ATP6V0A1: variants seen among roughly 807,000 people sequenced by gnomAD.
ATP6V0A1 encodes the protein V-type proton ATPase 116 kDa subunit a 1.
A neutral mutation model predicts 105.4 loss-of-function variants in ATP6V0A1; 43 were observed. The ratio of observed to expected loss-of-function variants is 0.41; its 90% CI spans 0.32 to 0.53. The LOEUF (loss-of-function observed/expected upper bound fraction) is 0.53. Ranked by LOEUF, ATP6V0A1 falls within the 20% of genes least tolerant of loss-of-function variation. The pLI is 0.30. For missense variants in ATP6V0A1, 676 were observed against 1,051.1 expected (o/e 0.64, Z 4.93); for synonymous variants, 362 against 372.8 (o/e 0.97, Z 0.33).
At chr17:42,465,224 G>A (rs116572471) in intron 2 of ATP6V0A1, among the ~76,000 whole-genome samples, 2,962 of 150,966 alleles carry the variant, frequency 0.02, 91 homozygotes, top group African/African-American at 0.068. Context: ...AAACTCCTGA[G>A]CTCAGATAAT....
At chr17:42,480,240 T>C (rs1397723270) in intron 7 of ATP6V0A1, 3 of 152,510 alleles carry the variant, frequency 2.0e-5, no homozygotes, top group African/African-American at 7.2e-5. Flanking sequence ...ATCAGCATTC[T>C]TTCCAGGGAC....
chr17:42,463,456 C>G (rs772357910), intron 2 of ATP6V0A1, among the ~76,000 whole-genome samples: 1 of 152,190 alleles, frequency 6.6e-6, no homozygotes, highest in Non-Finnish European at 1.5e-5. Context: ...ACATTGCAAA[C>G]TCATGTCTGA....
chr17:42,495,143 T>G lies in ATP6V0A1; in HGVS notation c.1424T>G (p.Phe475Cys). 1 of 1,614,170 alleles carries G rather than the reference T, an allele frequency of 6.2e-7. No homozygotes were observed. The highest frequency in any genetic ancestry group is 8.5e-7 in the Non-Finnish European group (1 of 1,180,018). The change falls in exon 13 of 22, where the codon TTT becomes TGT. Residue 475 changes from phenylalanine to cysteine, a missense_variant. Phe to Cys is a radical substitution (Grantham distance 205). Around this residue, in one of 3 missense-constraint regions of ATP6V0A1, gnomAD observed 435 missense variants for 642.2 expected, o/e 0.68. Transcript: ENST00000343619. Reference sequence around the variant, plus strand: ...TGCTTTTCCAAGTCTCTTAATATCTTTGGGTCATCCTGGAGTGTACGGCCG... The same window carrying G: ...TGCTTTTCCAAGTCTCTTAATATCTGTGGGTCATCCTGGAGTGTACGGCCG... ...NDCFSKSLNIFGSSWSVRPMF... is the reference protein window; with the variant it reads ...NDCFSKSLNICGSSWSVRPMF...
At chr17:42,466,539 T>G (rs2087085399) in intron 3 of ATP6V0A1, 32 bp downstream of exon 3, 2 of 1,551,262 alleles carry the variant, frequency 1.3e-6, no homozygotes, top group South Asian at 2.2e-5. Context: ...GTAATGTTCC[T>G]TTAATGAATC....
At chr17:42,461,336 C>T (rs1483688832) in intron 2 of ATP6V0A1, among the ~76,000 whole-genome samples, 1 of 152,056 alleles carries the variant, frequency 6.6e-6, no homozygotes, top group African/African-American at 2.4e-5. Context: ...AAATATATTG[C>T]AGTTTTTCCA....
intron 5 of ATP6V0A1, among the ~76,000 whole-genome samples, chr17:42,472,723 CA>C (rs971394236): frequency 4.8e-4 from 70 of 146,500 alleles, no homozygotes; most frequent in African/African-American, 1.4e-3. Context: ...GACTCCATCT[CA>C]AAAAAAAAAA....
At chr17:42,515,468 CAA>C (rs34612473) in intron 21 of ATP6V0A1, among the ~76,000 whole-genome samples, 6,273 of 85,310 alleles carry the variant, frequency 0.074, 181 homozygotes, top group East Asian at 0.18. Context: ...GACTCTGTCT[CAA>C]AAAAAAAAAA....
intron 21 of ATP6V0A1, among the ~76,000 whole-genome samples, chr17:42,517,305 C>A (rs8070783): frequency 0.12 from 17,308 of 148,876 alleles, 1,210 homozygotes; most frequent in African/African-American, 0.21. Context: ...ACAACAACAA[C>A]AAAAAAACCT....
chr17:42,490,506 T>G lies in ATP6V0A1; in HGVS notation c.1043T>G (p.Val348Gly). 1 of 1,607,272 alleles carries G rather than the reference T, an allele frequency of 6.2e-7. No individual in the cohort carries two copies. Among genetic ancestry groups the G allele is most frequent in the Non-Finnish European group, 8.5e-7 (1 of 1,178,236 alleles). ...RRGTEHSGST[V>G]PSILNRMQTN... is the part of the protein sequence containing the mutation. ...TTTCAGGAACACAGTGGTTCCACTGTACCTTCCATTTTGAACAGGATGCAG... is the reference window on the plus strand; with the variant it reads ...TTTCAGGAACACAGTGGTTCCACTGGACCTTCCATTTTGAACAGGATGCAG... Residue 348 changes from valine (V) to glycine (G), a missense_variant, in exon 11 of 22, where the codon GTA (valine) becomes GGA (glycine). Physicochemically the swap from Val to Gly is moderately radical, Grantham distance 109 (BLOSUM62 -3). Around this residue, in one of 3 missense-constraint regions of ATP6V0A1, gnomAD observed 435 missense variants for 642.2 expected, o/e 0.68. Coordinates refer to ENST00000343619, the MANE Select transcript of ATP6V0A1 (RefSeq NM_001130021.3).
rs1180072191 is a variant in ATP6V0A1, at chr17:42,500,744, A to C, written c.1717A>C (p.Ile573Leu). The change falls in exon 16 of 22, where the codon ATT (isoleucine) becomes CTT (leucine). Residue 573 changes from isoleucine to leucine, a missense_variant. Around this residue, in one of 3 missense-constraint regions of ATP6V0A1, gnomAD observed 435 missense variants for 642.2 expected, o/e 0.68. Transcript: ENST00000343619. ...KKPLNIYFGF[I>L]PEIIFMTSLF... ...GCCCCTGAATATCTACTTTGGATTT[A>C]TTCCTGAAATAATCTTCATGACCTC... is the stretch of plus-strand genomic sequence containing the variant. 5.6e-6 allele frequency: 9 copies of C among 1,613,822 alleles called. No individual in the cohort carries two copies. The highest frequency in any genetic ancestry group is 7.6e-6 in the Non-Finnish European group (9 of 1,179,838).
At chr17:42,466,991 C>G (rs1015290675) in intron 3 of ATP6V0A1, among the ~76,000 whole-genome samples, 5 of 151,842 alleles carry the variant, frequency 3.3e-5, no homozygotes, top group African/African-American at 1.2e-4. Context: ...ACTAAAAATA[C>G]AAAAAATTAG....
chr17:42,468,168 C>G, intron 4 of ATP6V0A1, 61 bp downstream of exon 4: 1 of 1,173,884 alleles, frequency 8.5e-7, no homozygotes, highest in Non-Finnish European at 1.2e-6. Context: ...AATTACTTTC[C>G]TGAGCAGATA....
intron 19 of ATP6V0A1, among the ~76,000 whole-genome samples, chr17:42,509,227 C>G (rs559624135): frequency 6.6e-6 from 1 of 152,082 alleles, no homozygotes; most frequent in East Asian, 1.9e-4. Context: ...TTATATCAGC[C>G]ACATAGAGAA....
Position 42,483,055 on chromosome 17 carries a change from A to G in ATP6V0A1, c.734A>G (p.Tyr245Cys). The G allele has an allele frequency of 6.4e-7, 1 of 1,556,032 alleles. No individual in the cohort carries two copies. Among genetic ancestry groups the G allele is most frequent in the East Asian group, 2.3e-5 (1 of 43,092 alleles). The change falls in exon 9 of 22, where the codon TAT becomes TGT. Residue 245 changes from tyrosine (Y) to cysteine (C), a missense_variant. Coordinates refer to ENST00000343619, the MANE Select transcript of ATP6V0A1 (RefSeq NM_001130021.3). Reference sequence around the variant, plus strand: ...TATTCCAGGTTCCGAGCCTCACTCTATCCCTGTCCTGAGACACCACAGGAG... The same window carrying G: ...TATTCCAGGTTCCGAGCCTCACTCTGTCCCTGTCCTGAGACACCACAGGAG... The part of the protein sequence containing the change: ...KICEGFRASL[Y>C]PCPETPQERK...
intron 1 of ATP6V0A1, chr17:42,460,548 C>G: frequency 4.8e-6 from 1 of 207,306 alleles, no homozygotes; most frequent in South Asian, 8.3e-5. Context: ...TTTGAGGTTC[C>G]CAGTTCCTGT....
chr17:42,500,946 T>A, intron 16 of ATP6V0A1, 23 bp downstream of exon 16: 1 of 1,588,914 alleles, frequency 6.3e-7, no homozygotes, highest in Non-Finnish European at 8.6e-7. Flanking sequence ...AGAGGCAGAC[T>A]GTCTGAGATG....
intron 19 of ATP6V0A1, chr17:42,511,563 G>A (rs1452110873): frequency 6.6e-6 from 1 of 152,296 alleles, no homozygotes; most frequent in Admixed American, 6.5e-5. Flanking sequence ...AAAAAGAACT[G>A]TCCAGAGAGG....
intron 9 of ATP6V0A1, among the ~76,000 whole-genome samples, chr17:42,486,105 C>T (rs2090081211): frequency 6.6e-6 from 1 of 152,152 alleles, no homozygotes; most frequent in Non-Finnish European, 1.5e-5. Flanking sequence ...GGCTTAGCCA[C>T]ACCTGCTATT....
intron 2 of ATP6V0A1, among the ~76,000 whole-genome samples, chr17:42,464,779 T>G (rs2086843323): frequency 1.3e-5 from 2 of 152,300 alleles, no homozygotes; most frequent in South Asian, 4.1e-4. Flanking sequence ...ATAAATTGTG[T>G]TGTTCAGCTT....
Sources: allele counts gnomAD v4.1 joint callset (sites outside exome capture counted in the v4.1 genomes callset), GRCh38; gene constraint gnomAD v4.1.1; regional missense constraint gnomAD v4.1.1; transcripts MANE v1.5; gene names NCBI Gene and HGNC (gene_info 2026-07-23, HGNC 2026-07-21).